The following WDR25 variants were observed in gnomAD, a reference collection of about 807,000 sequenced individuals.
The protein encoded by WDR25 is WD repeat domain 25.
In WDR25, 35 loss-of-function variants were observed where a neutral mutation model predicts 47.7. The ratio of observed to expected loss-of-function variants is 0.73; its 90% CI spans 0.56 to 0.97. WDR25 has a LOEUF of 0.97. Ranked by LOEUF, WDR25 falls within the 50% of genes least tolerant of loss-of-function variation. The pLI, the probability that WDR25 is intolerant of heterozygous loss-of-function variation, is 0.00. For missense variants in WDR25, 634 were observed against 704.7 expected (o/e 0.90, Z 1.14); for synonymous variants, 248 against 278.9 (o/e 0.89, Z 1.10).
At chr14:100,528,233 T>C (rs947771254) in intron 5 of WDR25, among the ~76,000 whole-genome samples, 2 of 152,012 alleles carry the variant, frequency 1.3e-5, no homozygotes, top group Non-Finnish European at 2.9e-5. Context: ...ATATTAAGTA[T>C]GATTGGGCTG....
intron 2 of WDR25, among the ~76,000 whole-genome samples, chr14:100,453,243 G>T (rs1353251108): frequency 1.3e-5 from 2 of 152,202 alleles, no homozygotes; most frequent in Non-Finnish European, 2.9e-5. Flanking sequence ...ACCTTGAGGG[G>T]TATTGCAGGT....
chr14:100,456,759 G>C (rs1184887935), intron 2 of WDR25, among the ~76,000 whole-genome samples: 1 of 152,096 alleles, frequency 6.6e-6, no homozygotes, highest in Admixed American at 6.5e-5. Flanking sequence ...GACAACTTCA[G>C]GTTCACCCAA....
intron 2 of WDR25, among the ~76,000 whole-genome samples, chr14:100,459,440 A>C (rs1456307706): frequency 6.6e-6 from 1 of 152,224 alleles, no homozygotes; most frequent in Non-Finnish European, 1.5e-5. Flanking sequence ...TGTACCACTT[A>C]AGAAATTATA....
At position 100,424,735 on chromosome 14, in the gene WDR25, G is replaced by T. The variant is rs1444820770; in HGVS notation, c.822+42989G>T. 6.6e-6 allele frequency among the ~76,000 whole-genome samples: 1 copy of T among 152,144 alleles called. No homozygotes were observed. The highest frequency in any genetic ancestry group is 1.5e-5 in the Non-Finnish European group (1 of 68,036). On this transcript the variant is annotated intron_variant, in intron 2 of 6. Coordinates refer to ENST00000402312, the MANE Select transcript of WDR25 (RefSeq NM_001161476.3). This position sits in a 1 kb window ranked among gnomAD's most constrained non-coding sequence, Gnocchi z 4.2. ...ATTCGGTGGTTAGGCTGATCTCAGG[G>T]TTCCTTTCAGCAGCAGTGGCAGCCG...
intron 2 of WDR25, among the ~76,000 whole-genome samples, chr14:100,394,206 C>T (rs912731116): frequency 2.0e-5 from 3 of 152,152 alleles, no homozygotes; most frequent in Non-Finnish European, 4.4e-5. Context: ...TCAAATAATC[C>T]GGTGCGCACC....
intron 3 of WDR25, among the ~76,000 whole-genome samples, chr14:100,473,203 G>GC (rs1310816270): frequency 6.6e-6 from 1 of 152,236 alleles, no homozygotes; most frequent in African/African-American, 2.4e-5. Context: ...ACGCTGCCTG[G>GC]CCTGTGTGGA....
At chr14:100,396,431 A>G (rs1370133120) in intron 2 of WDR25, among the ~76,000 whole-genome samples, 1 of 152,264 alleles carries the variant, frequency 6.6e-6, no homozygotes, top group African/African-American at 2.4e-5. Context: ...AAGACAGACC[A>G]TGAAAAGCCA....
chr14:100,395,287 C>T (rs1212420550), intron 2 of WDR25, among the ~76,000 whole-genome samples: 5 of 152,212 alleles, frequency 3.3e-5, no homozygotes, highest in Admixed American at 3.3e-4. Context: ...TTACTTAACT[C>T]TCTGGACCTT....
intron 2 of WDR25, among the ~76,000 whole-genome samples, chr14:100,436,825 A>G (rs1010987610): frequency 1.1e-4 from 16 of 152,310 alleles, no homozygotes; most frequent in Admixed American, 4.6e-4. Flanking sequence ...TGAGCTGTGG[A>G]GGGTACATGC....
At chr14:100,489,623 G>A (rs896887249) in intron 4 of WDR25, among the ~76,000 whole-genome samples, 4 of 152,134 alleles carry the variant, frequency 2.6e-5, no homozygotes, top group Admixed American at 6.5e-5. Flanking sequence ...CTGGAAATTG[G>A]AGCAGCCCTG....
At chr14:100,490,377 C>G (rs1256177995) in intron 4 of WDR25, among the ~76,000 whole-genome samples, 1 of 152,254 alleles carries the variant, frequency 6.6e-6, no homozygotes, top group Non-Finnish European at 1.5e-5. Context: ...AAGCAATTAT[C>G]CTGGCCAGTT....
intron 2 of WDR25, among the ~76,000 whole-genome samples, chr14:100,410,618 G>A (rs1015387892): frequency 1.3e-5 from 2 of 152,116 alleles, no homozygotes; most frequent in African/African-American, 4.8e-5. Context: ...AGGACAGCCC[G>A]TGCCGAGGCT....
chr14:100,452,761 G>A (rs1899079153), intron 2 of WDR25, among the ~76,000 whole-genome samples: 2 of 152,198 alleles, frequency 1.3e-5, no homozygotes, highest in African/African-American at 4.8e-5. Context: ...GCAGTAGATT[G>A]TAGGGCAAGA....
At chr14:100,509,551 C>T (rs781709425) in intron 4 of WDR25, among the ~76,000 whole-genome samples, 26 of 151,998 alleles carry the variant, frequency 1.7e-4, no homozygotes, top group East Asian at 1.9e-4. Context: ...TCATTTTTGT[C>T]GTGTCCTGCC....
At chr14:100,524,177 G>A (rs541315911) in intron 4 of WDR25, among the ~76,000 whole-genome samples, 25 of 152,226 alleles carry the variant, frequency 1.6e-4, no homozygotes, top group African/African-American at 6.0e-4. Flanking sequence ...GAGGCAGGTG[G>A]TGTGTTGGCA....
rs567955305 is a variant in WDR25 at position 100,523,655 on chromosome 14, G to A, written c.1102-2215G>A. 1.3e-5 allele frequency among the ~76,000 whole-genome samples: 2 copies of A among 152,172 alleles called. No homozygotes were observed. Among genetic ancestry groups the A allele is most frequent in the Non-Finnish European group, 2.9e-5 (2 of 68,032 alleles). ...GCAGGAACCCAAGGCTGCTCTGGAC[G>A]AGTCAGCAGCGGCCCAGCATCCCCC... On this transcript the variant is annotated intron_variant, in intron 4 of 6. Coordinates refer to ENST00000402312, the MANE Select transcript of WDR25 (RefSeq NM_001161476.3). This position sits in a 1 kb window ranked among gnomAD's most constrained non-coding sequence, Gnocchi z 4.7.
At chr14:100,441,559 TG>T (rs1898671824) in intron 2 of WDR25, among the ~76,000 whole-genome samples, 2 of 151,664 alleles carry the variant, frequency 1.3e-5, no homozygotes, top group African/African-American at 4.8e-5. Context: ...CAGGGGAGGG[TG>T]GAAGACACAC....
intron 2 of WDR25, among the ~76,000 whole-genome samples, chr14:100,434,850 T>G (rs769802777): frequency 6.6e-6 from 1 of 152,248 alleles, no homozygotes; most frequent in Non-Finnish European, 1.5e-5. Context: ...CTTATTCCGC[T>G]CTTTTTCTTC....
chr14:100,464,858 A>G (rs905347372), intron 2 of WDR25, among the ~76,000 whole-genome samples: 2 of 104,044 alleles, frequency 1.9e-5, no homozygotes, highest in Non-Finnish European at 3.9e-5. Context: ...TACCCCATCT[A>G]CTCTCCCCTA....
Sources: gnomAD v4.1 joint callset for allele counts (sites outside exome capture counted in the v4.1 genomes callset) on GRCh38, gnomAD v4.1.1 for gene constraint, Gnocchi (gnomAD v3.1) non-coding constraint, MANE v1.5 for transcripts, NCBI Gene and HGNC (gene_info 2026-07-23, HGNC 2026-07-21) for gene names.